MAP3K5: variants seen among roughly 807,000 people sequenced by gnomAD.
The protein encoded by MAP3K5 is mitogen-activated protein kinase kinase kinase 5, also known as ASK-1.
MAP3K5 carries 56 observed loss-of-function variants against 158.7 expected under a neutral mutation model. The ratio of observed to expected loss-of-function variants is 0.35; its 90% CI spans 0.28 to 0.44. MAP3K5 has a LOEUF of 0.44. Among genes scored for constraint, MAP3K5 ranks in the 20% least tolerant of loss-of-function variants. MAP3K5 has a pLI of 1.00. For synonymous variants in MAP3K5, 579 were observed against 601.7 expected, an observed-to-expected ratio of 0.96 and a Z score of 0.55; for missense variants, 1,294 against 1,674.8, an observed-to-expected ratio of 0.77 and a Z score of 3.97.
intron 7 of MAP3K5, among the ~76,000 whole-genome samples, chr6:136,688,785 G>A (rs1780263330): frequency 6.6e-6 from 1 of 152,100 alleles, no homozygotes; most frequent in South Asian, 2.1e-4. Flanking sequence ...AACTTCATAG[G>A]AGATGTTTTT....
At chr6:136,625,708 T>A (rs1219666133) in intron 14 of MAP3K5, among the ~76,000 whole-genome samples, 1 of 152,216 alleles carries the variant, frequency 6.6e-6, no homozygotes, top group Non-Finnish European at 1.5e-5. Flanking sequence ...TGAAGTTTGC[T>A]ATGCAGAATT....
chr6:136,601,870 T>C lies in MAP3K5; in HGVS notation c.2789A>G (p.Asn930Ser). ...EPDPDKRACA[N>S]DLLVDEFLKV... ...TAAAAACTCATCAACAAGCAAGTCG[T>C]TAGCACAGGCTCTCTTGTCAGGATC... The change falls in exon 20 of 30, where the codon AAC (asparagine) becomes AGC (serine). Residue 930 changes from asparagine to serine, a missense_variant. Asn to Ser is a conservative substitution (Grantham distance 46). Coordinates refer to ENST00000359015, the MANE Select transcript of MAP3K5 (RefSeq NM_005923.4). 1 of 1,614,204 alleles carries C rather than the reference T, an allele frequency of 6.2e-7. No individual in the cohort carries two copies. The highest frequency in any genetic ancestry group is 8.5e-7 in the Non-Finnish European group (1 of 1,180,022).
At chr6:136,601,455 G>A (rs1775872278) in intron 20 of MAP3K5, among the ~76,000 whole-genome samples, 1 of 152,018 alleles carries the variant, frequency 6.6e-6, no homozygotes, top group African/African-American at 2.4e-5. Flanking sequence ...TGGCTCTGTA[G>A]GCCCATTTGT....
At chr6:136,734,541 G>GCT (rs749769860) in intron 1 of MAP3K5, among the ~76,000 whole-genome samples, 1 of 151,826 alleles carries the variant, frequency 6.6e-6, no homozygotes, top group East Asian at 1.9e-4. Flanking sequence ...ATGAAGGTGT[G>GCT]CTGGGTTTGA....
At position 136,620,488 on chromosome 6, in the gene MAP3K5, T is replaced by A. The variant is rs187219492; in HGVS notation, c.2150+2360A>T. Among the ~76,000 whole-genome samples, 68 of 152,068 alleles carry A rather than the reference T, an allele frequency of 4.5e-4. 1 individual carries two copies. Among genetic ancestry groups the A allele is most frequent in the Middle Eastern group, 3.4e-3 (1 of 294 alleles). On this transcript the variant is annotated intron_variant, in intron 15 of 29. Transcript: ENST00000359015. The stretch of plus-strand genomic sequence containing the variant: ...GGTCCTGTTAACCTTGAGATGCCTT[T>A]GAGATCTATAACTGGAGATGTGGGG...
At chr6:136,682,143 T>G (rs766744561) in intron 7 of MAP3K5, among the ~76,000 whole-genome samples, 6 of 152,212 alleles carry the variant, frequency 3.9e-5, no homozygotes, top group Non-Finnish European at 7.4e-5. Flanking sequence ...TACATCTATC[T>G]GGTCACCAAT....
intron 14 of MAP3K5, among the ~76,000 whole-genome samples, chr6:136,632,768 T>G (rs1364246365): frequency 6.6e-6 from 1 of 152,090 alleles, no homozygotes; most frequent in Non-Finnish European, 1.5e-5. Context: ...CTGGATGCCT[T>G]TACTTTTAAT....
chr6:136,756,753 G>A (rs910512363), intron 1 of MAP3K5, among the ~76,000 whole-genome samples: 1 of 152,198 alleles, frequency 6.6e-6, no homozygotes, highest in Non-Finnish European at 1.5e-5. Flanking sequence ...AAACTGATGG[G>A]AGAGAGACAC....
Position 136,656,356 on chromosome 6 carries a change from T to G in MAP3K5, c.1631A>C (p.Asp544Ala). 8 of 1,614,042 alleles carry G rather than the reference T, an allele frequency of 5.0e-6. No individual in the cohort carries two copies. Among genetic ancestry groups the G allele is most frequent in the Non-Finnish European group, 6.8e-6 (8 of 1,179,950 alleles). Residue 544 changes from aspartate to alanine, a missense_variant, in exon 10 of 30, where the codon GAT becomes GCT. Coordinates refer to ENST00000359015, the MANE Select transcript of MAP3K5 (RefSeq NM_005923.4). ...AKQELVDFWM[D>A]FLVEATKTDV... is the part of the protein sequence containing the mutation. ...TGTCTTTGTGGCCTCGACCAGGAAA[T>G]CCATCCAAAAGTCCACAAGTTCTTG...
At position 136,656,384 on chromosome 6, in the gene MAP3K5, T is replaced by A. The variant is rs766136288; in HGVS notation, c.1603A>T (p.Lys535Ter). The change falls in exon 10 of 30, where the codon AAG (lysine) becomes TAG (stop). Residue 535 changes from lysine to a stop codon, truncating the protein, a stop_gained. Transcript: ENST00000359015. LOFTEE classifies it high-confidence loss of function. ...VKLTTEQPVA[K>*]QELVDFWMDF... ...ATCCAAAAGTCCACAAGTTCTTGCTTGGCCACAGGCTGTTCTGTGGTCAGT... is the reference window on the plus strand; with the variant it reads ...ATCCAAAAGTCCACAAGTTCTTGCTAGGCCACAGGCTGTTCTGTGGTCAGT... 1 of 1,613,686 alleles carries A rather than the reference T, an allele frequency of 6.2e-7. No homozygotes were observed. Among genetic ancestry groups the A allele is most frequent in the South Asian group, 1.1e-5 (1 of 91,064 alleles).
At chr6:136,607,939 G>A (rs538265996) in intron 18 of MAP3K5, among the ~76,000 whole-genome samples, 10 of 152,324 alleles carry the variant, frequency 6.6e-5, no homozygotes, top group African/African-American at 2.4e-4. Flanking sequence ...ATAGACCCGA[G>A]TGAAGAGGAT....
chr6:136,559,157 C>A (rs1353363110), intron 28 of MAP3K5, among the ~76,000 whole-genome samples: 1 of 152,098 alleles, frequency 6.6e-6, no homozygotes, highest in African/African-American at 2.4e-5. Flanking sequence ...TCGAGACCAG[C>A]CTGGCCAAAG....
intron 14 of MAP3K5, among the ~76,000 whole-genome samples, chr6:136,636,067 A>G (rs1777619712): frequency 1.3e-5 from 2 of 152,140 alleles, no homozygotes; most frequent in Non-Finnish European, 2.9e-5. Context: ...TAAAAATATA[A>G]TTTTCAGTAT....
chr6:136,609,664 C>T lies in MAP3K5; in HGVS notation c.2521+1618G>A, dbSNP rs539101296. Among the ~76,000 whole-genome samples, 106 of 151,114 alleles carry T rather than the reference C, an allele frequency of 7.0e-4. No homozygotes were observed. Among genetic ancestry groups the T allele is most frequent in the African/African-American group, 2.6e-3 (105 of 41,154 alleles). On this transcript the variant is annotated intron_variant, in intron 18 of 29. Transcript: ENST00000359015. This position sits in a 1 kb window ranked among gnomAD's most constrained non-coding sequence, Gnocchi z 4.4. ...AAAAAATTAGCCAGGCATGGAGGTG[C>T]GTGCCTATGGTCCCAGCTACTAGGG...
At chr6:136,600,221 C>T (rs373837947) in intron 21 of MAP3K5, among the ~76,000 whole-genome samples, 34 of 143,926 alleles carry the variant, frequency 2.4e-4, no homozygotes, top group African/African-American at 8.9e-4. Context: ...GACAGGGTCT[C>T]GCTCTGTCAC....
intron 2 of MAP3K5, among the ~76,000 whole-genome samples, chr6:136,717,936 A>G (rs900927528): frequency 2.0e-5 from 3 of 152,226 alleles, no homozygotes; most frequent in Non-Finnish European, 4.4e-5. Context: ...GTTACCTAGG[A>G]AAACTCAGGA....
At chr6:136,769,014 T>C (rs1784071837) in intron 1 of MAP3K5, among the ~76,000 whole-genome samples, 1 of 152,158 alleles carries the variant, frequency 6.6e-6, no homozygotes, top group Non-Finnish European at 1.5e-5. Flanking sequence ...GATATATACT[T>C]AAGCAAGCTG....
At chr6:136,637,274 T>C (rs1777682994) in intron 14 of MAP3K5, 51 bp downstream of exon 14, 3 of 1,429,682 alleles carry the variant, frequency 2.1e-6, no homozygotes, top group East Asian at 2.3e-5. Context: ...AGGCTTCAAA[T>C]AGTTTGTTTT....
At chr6:136,582,737 T>C (rs1774946141) in intron 24 of MAP3K5, among the ~76,000 whole-genome samples, 1 of 152,248 alleles carries the variant, frequency 6.6e-6, no homozygotes, top group South Asian at 2.1e-4. Context: ...GCTGAATTAA[T>C]TTTGGAATTT....
Sources: gnomAD v4.1 joint callset for allele counts (sites outside exome capture counted in the v4.1 genomes callset) on GRCh38, gnomAD v4.1.1 for gene constraint, Gnocchi (gnomAD v3.1) non-coding constraint, MANE v1.5 for transcripts, NCBI Gene and HGNC (gene_info 2026-07-23, HGNC 2026-07-21) for gene names.